The following PLEKHA4 variants were observed in gnomAD, a reference collection of about 807,000 sequenced individuals.
PLEKHA4 encodes the protein pleckstrin homology domain containing A4.
A neutral mutation model predicts 94.7 loss-of-function variants in PLEKHA4; 73 were observed. The observed-to-expected ratio is 0.77, with a 90% CI of 0.64 to 0.94. The LOEUF (loss-of-function observed/expected upper bound fraction) is 0.94, where lower values mean the gene tolerates loss of function less well. PLEKHA4 is among the 40% of genes least tolerant of loss of function. The pLI, the probability that PLEKHA4 is intolerant of heterozygous loss-of-function variation, is 0.00. For missense variants in PLEKHA4, 1,049 were observed against 1,054.1 expected (o/e 1.00, Z 0.07); for synonymous variants, 449 against 437.1 (o/e 1.03, Z -0.34).
chr19:48,856,434 G>C (rs1171363361), intron 9 of PLEKHA4, among the ~76,000 whole-genome samples: 1 of 131,018 alleles, frequency 7.6e-6, no homozygotes, highest in East Asian at 2.0e-4. Flanking sequence ...ATACAAAAAA[G>C]TTGGGCCAGG....
Position 48,858,911 on chromosome 19 carries a change from TC to T in PLEKHA4, c.920del (p.Gly307GlufsTer62). ...PRRGPPSEAG[G>X]GKPPRSPQHW... ...GCTGGGGACTCCTGGGGGGCTTTCC[TC>T]CCCCAGCCTCAGAGGGAGGTCCTCG... On this transcript the variant is annotated frameshift_variant, in exon 8 of 20. Transcript: ENST00000263265. LOFTEE classifies it high-confidence loss of function. The T allele has an allele frequency of 1.9e-6, 3 of 1,604,206 alleles. No homozygotes were observed. The highest frequency in any genetic ancestry group is 1.7e-6 in the Non-Finnish European group (2 of 1,177,158).
chr19:48,864,410 C>T (rs550213043), intron 3 of PLEKHA4, among the ~76,000 whole-genome samples: 6 of 151,384 alleles, frequency 4.0e-5, no homozygotes, highest in Non-Finnish European at 7.4e-5. Context: ...TCAGGTGATC[C>T]GCCCGCCTCA....
At chr19:48,861,578 G>T in intron 4 of PLEKHA4, 42 bp downstream of exon 4, 6 of 1,608,560 alleles carry the variant, frequency 3.7e-6, no homozygotes, top group Non-Finnish European at 3.4e-6. Flanking sequence ...CAGACTGGGC[G>T]GGGGGGCCCT....
In PLEKHA4 at chr19:48,841,269, C is replaced by CA; in HGVS notation, c.1784dup (p.Glu596GlyfsTer36). 1.2e-6 allele frequency: 2 copies of CA among 1,613,436 alleles called. No homozygotes were observed. The highest frequency in any genetic ancestry group is 2.2e-5 in the South Asian group (2 of 90,976). ...ATTCCTGGTTTCTGCGCATCCGCTC[C>CA]AGCTGCTCCTGGGCACTCATCCGGG... is the stretch of plus-strand genomic sequence containing the variant. On this transcript the variant is annotated frameshift_variant, in exon 17 of 20. Transcript: ENST00000263265. LOFTEE classifies it high-confidence loss of function.
At chr19:48,855,331 C>A (rs564532643) in intron 9 of PLEKHA4, among the ~76,000 whole-genome samples, 1 of 152,078 alleles carries the variant, frequency 6.6e-6, no homozygotes, top group African/African-American at 2.4e-5. Context: ...GGGCCGGGTG[C>A]GGTGGCTCAT....
chr19:48,868,104 C>G lies in PLEKHA4; in HGVS notation c.-28G>C, dbSNP rs1599945892. 1 of 161,448 alleles carries G rather than the reference C, an allele frequency of 6.2e-6. No homozygotes were observed. 10.0% of individuals were successfully genotyped at this position (161,448 alleles called of 1,614,324 possible). On this transcript the variant is annotated 5_prime_UTR_variant, in exon 1 of 20. Transcript: ENST00000263265. ...TTACCCAGCTCTGGGGTCCCAGTGA[C>G]GGGGGGGCAAGAGGACGGTGTGGGT...
rs1568539644 is a variant in PLEKHA4 at position 48,847,903 on chromosome 19, C to T, written c.1563G>A (p.Arg521=). 1 of 1,562,526 alleles carries T rather than the reference C, an allele frequency of 6.4e-7. No individual in the cohort carries two copies. The highest frequency in any genetic ancestry group is 1.2e-5 in the South Asian group (1 of 83,126). ...PVLQGEESSE[R]ESLPESLELS... ...GGAGGAATTATGTGCGTCTTACCTCCCTCTCTGAGGACTCCTCGCCCTGGA... is the reference window on the plus strand; with the variant it reads ...GGAGGAATTATGTGCGTCTTACCTCTCTCTCTGAGGACTCCTCGCCCTGGA... Residue 521 remains arginine (R), a synonymous_variant, in exon 14 of 20, where the codon AGG becomes AGA. Coordinates refer to ENST00000263265, the MANE Select transcript of PLEKHA4 (RefSeq NM_020904.3).
At chr19:48,862,137 G>A (rs2036665747) in intron 3 of PLEKHA4, among the ~76,000 whole-genome samples, 1 of 151,884 alleles carries the variant, frequency 6.6e-6, no homozygotes, top group African/African-American at 2.4e-5. Context: ...TGGATAAGAA[G>A]GAGAGCTGGA....
Position 48,854,380 on chromosome 19 carries a change from T to C in PLEKHA4, c.1048-116A>G. ...GGTACTGCACTATTTATTTATTTAT[T>C]TATTTAGAGATAGGGTCTTGCTCTG... is the stretch of plus-strand genomic sequence containing the variant. On this transcript the variant is annotated intron_variant, in intron 9 of 19. Coordinates refer to ENST00000263265, the MANE Select transcript of PLEKHA4 (RefSeq NM_020904.3). 3.3e-6 allele frequency: 3 copies of C among 919,150 alleles called. No individual in the cohort carries two copies. In the South Asian group the frequency reaches 4.6e-5, roughly 14 times the overall value. 56.9% of individuals were successfully genotyped at this position (919,150 alleles called of 1,614,324 possible).
intron 3 of PLEKHA4, 24 bp from the exon 4 acceptor site, chr19:48,861,716 G>A: frequency 1.3e-6 from 2 of 1,599,932 alleles, no homozygotes; most frequent in South Asian, 2.2e-5. Context: ...TGGGAGGAGG[G>A]GCCTGAGTAA....
In PLEKHA4 at chr19:48,859,480, CGCCCTCCGCATCTGGAGTCCA is replaced by C. The variant is rs1568551210; in HGVS notation, c.660_680del (p.Gly221_Ala227del). On this transcript the variant is annotated inframe_deletion, in exon 7 of 20. Coordinates refer to ENST00000263265, the MANE Select transcript of PLEKHA4 (RefSeq NM_020904.3). ...TCCTCCCTACTCACTCGGGGCTCCT[CGCCCTCCGCATCTGGAGTCCA>C]GAGTGGAGGTCGGTTGTGGGGCTGG... 2 of 1,613,824 alleles carry C rather than the reference CGCCCTCCGCATCTGGAGTCCA, an allele frequency of 1.2e-6. No individual in the cohort carries two copies. The highest frequency in any genetic ancestry group is 2.2e-5 in the South Asian group (2 of 91,076).
At chr19:48,841,062 T>G (rs2035743686) in intron 17 of PLEKHA4, 87 bp downstream of exon 17, 11 of 1,316,226 alleles carry the variant, frequency 8.4e-6, no homozygotes, top group African/African-American at 1.5e-5. Flanking sequence ...AGGTAGTGAT[T>G]ATCTCCATTT....
At chr19:48,866,196 C>T (rs1411677389) in intron 2 of PLEKHA4, among the ~76,000 whole-genome samples, 2 of 151,938 alleles carry the variant, frequency 1.3e-5, no homozygotes, top group Admixed American at 1.3e-4. Context: ...CCTCCAGCCT[C>T]AGCCTCCCAT....
chr19:48,859,100 G>T lies in PLEKHA4; in HGVS notation c.732C>A (p.Ser244Arg). The stretch of plus-strand genomic sequence containing the variant: ...CAGGGGCAGAACGGGGACGGGGGAG[G>T]CTCAGAGGCGAGGGAGGGCGAGAGA... Reference protein sequence around the residue: ...TPLSRPPSPLSLPRPRSAPAR... With the variant: ...TPLSRPPSPLRLPRPRSAPAR... Residue 244 changes from serine to arginine, a missense_variant, in exon 8 of 20, where the codon AGC becomes AGA. Ser to Arg is a moderately radical substitution (Grantham distance 110, BLOSUM62 -1). Coordinates refer to ENST00000263265, the MANE Select transcript of PLEKHA4 (RefSeq NM_020904.3). The T allele has an allele frequency of 6.7e-7, 1 of 1,501,360 alleles. No homozygotes were observed. The highest frequency in any genetic ancestry group is 8.9e-7 in the Non-Finnish European group (1 of 1,126,946). The allele number at this position is 1,501,360 out of a possible 1,614,324, so 93.0% of individuals were successfully genotyped here.
At position 48,867,594 on chromosome 19, in the gene PLEKHA4, G is replaced by A; in HGVS notation, c.27C>T (p.Ser9=). The A allele has an allele frequency of 2.5e-6, 4 of 1,600,824 alleles. 1 individual carries two copies. The South Asian group carries it at 4.5e-5, about 18-fold the overall frequency. MEGSRPRS[S]LSLASSASTI... ...TGGAGGCGCTGCTGGCCAGGCTCAG[G>A]CTGCTGCGAGGTCGGCTCCCCTCCA... The change falls in exon 2 of 20, where the codon AGC becomes AGT. Residue 9 remains serine, a synonymous_variant. Coordinates refer to ENST00000263265, the MANE Select transcript of PLEKHA4 (RefSeq NM_020904.3). The surrounding 1 kb of genome is among the most constrained non-coding windows in gnomAD (Gnocchi z 4.7).
At chr19:48,849,311 G>A (rs928240874) in intron 13 of PLEKHA4, among the ~76,000 whole-genome samples, 3 of 150,794 alleles carry the variant, frequency 2.0e-5, no homozygotes, top group Non-Finnish European at 2.9e-5. Flanking sequence ...TTTTGGGGTT[G>A]TTGTTGTTGT....
chr19:48,849,446 C>A (rs2036098935), intron 13 of PLEKHA4, among the ~76,000 whole-genome samples: 1 of 152,056 alleles, frequency 6.6e-6, no homozygotes, highest in Admixed American at 6.6e-5. Flanking sequence ...GTAGCTGGGA[C>A]TACAGGCGTG....
intron 17 of PLEKHA4, among the ~76,000 whole-genome samples, chr19:48,840,706 T>A (rs1339166064): frequency 1.3e-5 from 2 of 152,090 alleles, no homozygotes; most frequent in Non-Finnish European, 2.9e-5. Flanking sequence ...ATTACAGGCG[T>A]GAGCCACCAT....
intron 9 of PLEKHA4, among the ~76,000 whole-genome samples, chr19:48,855,708 G>A (rs925783430): frequency 6.6e-6 from 1 of 152,016 alleles, no homozygotes. Flanking sequence ...AGTATCGCTT[G>A]GGCCCAGGAG....
Sources: gnomAD v4.1 joint callset for allele counts (sites outside exome capture counted in the v4.1 genomes callset) on GRCh38, gnomAD v4.1.1 for gene constraint, Gnocchi (gnomAD v3.1) non-coding constraint, MANE v1.5 for transcripts, NCBI Gene and HGNC (gene_info 2026-07-23, HGNC 2026-07-21) for gene names.